Variants in SCARF2 observed in about 807,000 individuals in gnomAD.
SCARF2 encodes scavenger receptor expressed by endothelial cells 2 protein.
SCARF2 carries 39 observed loss-of-function variants against 73.4 expected under a neutral mutation model. That is an observed-to-expected ratio of 0.53 (90% confidence interval 0.41 to 0.69). The LOEUF (loss-of-function observed/expected upper bound fraction) is 0.69, where lower values mean the gene tolerates loss of function less well. Ranked by LOEUF, SCARF2 falls within the 30% of genes least tolerant of loss-of-function variation. The probability of loss-of-function intolerance (pLI) is 0.00; values close to 1 mark genes in which losing one functional copy is unlikely to be tolerated. For synonymous variants in SCARF2, 605 were observed against 590.0 expected (o/e 1.03, Z -0.37); for missense variants, 1,148 against 1,303.5 (o/e 0.88, Z 1.84).
intron 9 of SCARF2, among the ~76,000 whole-genome samples, chr22:20,428,476 G>A (rs927749086): frequency 1.3e-5 from 2 of 152,058 alleles, no homozygotes; most frequent in Non-Finnish European, 2.9e-5. Context: ...GGCTACTTTC[G>A]TATTTTTAGT....
rs761747574 is a variant in SCARF2 at position 20,431,402 on chromosome 22, T to C, written c.470A>G (p.Gln157Arg). 4.6e-6 allele frequency: 7 copies of C among 1,535,600 alleles called. No individual in the cohort carries two copies. Among genetic ancestry groups the C allele is most frequent in the Non-Finnish European group, 6.1e-6 (7 of 1,147,052 alleles). The change falls in exon 4 of 11, where the codon CAG becomes CGG. Residue 157 changes from glutamine (Q) to arginine (R), a missense_variant. By Grantham distance (43) the Gln-to-Arg change is conservative (BLOSUM62 1). This residue lies in a region of SCARF2 where 372 missense variants were observed against 532.0 expected (regional missense o/e 0.70). Coordinates refer to ENST00000622235, the MANE Select transcript of SCARF2 (RefSeq NM_182895.5). ...RWGARCEHACQCQHGTCHPRS... is the reference protein window; with the variant it reads ...RWGARCEHACRCQHGTCHPRS... ...CGGGTGGCACGTGCCGTGCTGGCAC[T>C]GGCACGCATGCTCGCAGCGCGCGCC...
At chr22:20,430,389 G>A (rs1253471842) in intron 6 of SCARF2, 40 bp downstream of exon 6, 6 of 1,571,700 alleles carry the variant, frequency 3.8e-6, no homozygotes, top group Admixed American at 1.8e-5. Context: ...TCTGTGGCAG[G>A]TACAAGCCCC....
In SCARF2 at chr22:20,429,012, G is replaced by A. The variant is rs1043395431; in HGVS notation, c.1540+213C>T. Among the ~76,000 whole-genome samples, 3 of 152,022 alleles carry A rather than the reference G, an allele frequency of 2.0e-5. No individual in the cohort carries two copies. Among genetic ancestry groups the A allele is most frequent in the Non-Finnish European group, 4.4e-5 (3 of 67,990 alleles). The stretch of plus-strand genomic sequence containing the variant: ...CTGACATATGCCCACATCAGCCGGC[G>A]CACCTAGGACTCCTGCCTTCCTACC... On this transcript the variant is annotated intron_variant, in intron 9 of 10. Coordinates refer to ENST00000622235, the MANE Select transcript of SCARF2 (RefSeq NM_182895.5). This position sits in a 1 kb window ranked among gnomAD's most constrained non-coding sequence, Gnocchi z 5.2.
chr22:20,432,369 G>A (rs2052659203), intron 1 of SCARF2, among the ~76,000 whole-genome samples: 1 of 152,212 alleles, frequency 6.6e-6, no homozygotes, highest in Non-Finnish European at 1.5e-5. Flanking sequence ...CCCTCCAAGT[G>A]GAGGGCCCAG....
intron 1 of SCARF2, among the ~76,000 whole-genome samples, chr22:20,432,643 C>T (rs374319893): frequency 6.6e-6 from 1 of 152,180 alleles, no homozygotes; most frequent in African/African-American, 2.4e-5. Flanking sequence ...CCTCCACGTG[C>T]AGGAGGAAAG....
In SCARF2 at chr22:20,430,785, G is replaced by C. The variant is rs376815645; in HGVS notation, c.978C>G (p.Gly326=). 1.5e-4 allele frequency: 237 copies of C among 1,605,618 alleles called. No homozygotes were observed. Among genetic ancestry groups the C allele is most frequent in the Admixed American group, 3.4e-4 (20 of 59,290 alleles). ...GGCATGGCGGACAGCGGTGGCTGCA[G>C]CCCTCGCCATAGAAACCGGTGGCGC... The part of the protein sequence containing the change: ...QPCATGFYGE[G]CSHRCPPCRD... The change falls in exon 5 of 11, where the codon GGC becomes GGG. Residue 326 remains glycine (G), a synonymous_variant. Transcript: ENST00000622235.
At position 20,437,728 on chromosome 22, in the gene SCARF2, G is replaced by C; in HGVS notation, c.27C>G (p.Ala9=). 1 of 1,249,602 alleles carries C rather than the reference G, an allele frequency of 8.0e-7. No individual in the cohort carries two copies. The highest frequency in any genetic ancestry group is 1.0e-6 in the Non-Finnish European group (1 of 1,002,128). The allele number at this position is 1,249,602 out of a possible 1,614,324, so 77.4% of individuals were successfully genotyped here. The change falls in exon 1 of 11, where the codon GCC becomes GCG. Residue 9 remains alanine (A), a synonymous_variant. Coordinates refer to ENST00000622235, the MANE Select transcript of SCARF2 (RefSeq NM_182895.5). ...CGGCTCCCCGGCGCCGCGCCGGCCC[G>C]GCCCCCCGGGGCCCTGCGCCCTCCA... is the stretch of plus-strand genomic sequence containing the variant. MEGAGPRG[A]GPARRRGAGG...
At position 20,430,869 on chromosome 22, in the gene SCARF2, G is replaced by A; in HGVS notation, c.894C>T (p.Ala298=). Residue 298 remains alanine, a synonymous_variant, in exon 5 of 11, where the codon GCC becomes GCT. Transcript: ENST00000622235. The part of the protein sequence containing the change: ...QCKGQQPCTV[A]EGRCLTCEPG... Reference sequence around the variant, plus strand: ...GCTCGCACGTCAAGCAGCGGCCCTCGGCCACCGTGCACGGCTGCTGGCCCT... The same window carrying A: ...GCTCGCACGTCAAGCAGCGGCCCTCAGCCACCGTGCACGGCTGCTGGCCCT... The A allele has an allele frequency of 8.1e-6, 13 of 1,604,896 alleles. No homozygotes were observed. Among genetic ancestry groups the A allele is most frequent in the Non-Finnish European group, 1.0e-5 (12 of 1,177,998 alleles).
intron 1 of SCARF2, among the ~76,000 whole-genome samples, chr22:20,434,920 CCT>C (rs2052683952): frequency 6.6e-6 from 1 of 152,192 alleles, no homozygotes; most frequent in Non-Finnish European, 1.5e-5. Flanking sequence ...CGCCTGGACA[CCT>C]CTCCTCTGGT....
intron 1 of SCARF2, among the ~76,000 whole-genome samples, chr22:20,436,565 C>CA (rs1330440280): frequency 6.6e-6 from 1 of 152,066 alleles, no homozygotes; most frequent in Admixed American, 6.5e-5. Context: ...TGCCCCCTCG[C>CA]AGCCCCTTGT....
At chr22:20,433,013 G>A (rs2052664687) in intron 1 of SCARF2, among the ~76,000 whole-genome samples, 1 of 152,194 alleles carries the variant, frequency 6.6e-6, no homozygotes, top group East Asian at 1.9e-4. Context: ...CAGCGTGCCC[G>A]GCCTGTTTAT....
Position 20,431,874 on chromosome 22 carries a change from G to A in SCARF2, c.233-28C>T, listed in dbSNP as rs1208135706. 4 of 1,595,808 alleles carry A rather than the reference G, an allele frequency of 2.5e-6. No individual in the cohort carries two copies. The Admixed American group carries it at 6.9e-5, about 28-fold the overall frequency. On this transcript the variant is annotated intron_variant, in intron 2 of 10. Coordinates refer to ENST00000622235, the MANE Select transcript of SCARF2 (RefSeq NM_182895.5). ...GTGGACGAGACAGGCCAGAGCTGCT[G>A]CGCGTCCTAGCCCCGCCCCCTCCCC...
intron 3 of SCARF2, 38 bp downstream of exon 3, chr22:20,431,707 C>T (rs752234508): frequency 2.9e-5 from 45 of 1,536,860 alleles, no homozygotes; most frequent in Non-Finnish European, 3.8e-5. Flanking sequence ...TCCAGGATTC[C>T]GCCCCACCGA....
chr22:20,429,007 C>G lies in SCARF2; in HGVS notation c.1540+218G>C, dbSNP rs1039155955. Reference sequence around the variant, plus strand: ...CGTTTCTGACATATGCCCACATCAGCCGGCGCACCTAGGACTCCTGCCTTC... The same window carrying G: ...CGTTTCTGACATATGCCCACATCAGGCGGCGCACCTAGGACTCCTGCCTTC... On this transcript the variant is annotated intron_variant, in intron 9 of 10. Transcript: ENST00000622235. The surrounding 1 kb of genome is among the most constrained non-coding windows in gnomAD (Gnocchi z 5.2). Among the ~76,000 whole-genome samples, 1 of 152,138 alleles carries G rather than the reference C, an allele frequency of 6.6e-6. No homozygotes were observed. The highest frequency in any genetic ancestry group is 1.5e-5 in the Non-Finnish European group (1 of 68,030).
intron 9 of SCARF2, among the ~76,000 whole-genome samples, chr22:20,428,051 G>T (rs938940669): frequency 3.3e-5 from 5 of 152,122 alleles, no homozygotes; most frequent in African/African-American, 1.2e-4. Flanking sequence ...CACAACAGGG[G>T]GCCCCAGAAG....
chr22:20,429,565 G>A lies in SCARF2; in HGVS notation c.1395C>T (p.Cys465=), dbSNP rs1334776094. The change falls in exon 8 of 11, where the codon TGC becomes TGT. Residue 465 remains cysteine (C), a synonymous_variant. Transcript: ENST00000622235. This position sits in a 1 kb window ranked among gnomAD's most constrained non-coding sequence, Gnocchi z 5.2. ...CLLLSLLGCC[C]ACRGKDPTRR... ...GCGTAGGGTCCTTGCCGCGGCAAGC[G>A]CAGCAGCAGCCGAGCAGCGAGAGCA... 3 of 1,613,142 alleles carry A rather than the reference G, an allele frequency of 1.9e-6. No individual in the cohort carries two copies. Among genetic ancestry groups the A allele is most frequent in the Non-Finnish European group, 2.5e-6 (3 of 1,179,830 alleles).
chr22:20,437,432 G>T, intron 1 of SCARF2, 150 bp downstream of exon 1: 2 of 818,816 alleles, frequency 2.4e-6, no homozygotes, highest in South Asian at 1.9e-5. Context: ...CCGAGGCTGG[G>T]CCTGGAACGG....
Position 20,430,690 on chromosome 22 carries a change from C to A in SCARF2, c.1073G>T (p.Arg358Leu), listed in dbSNP as rs764348687. The change falls in exon 5 of 11, where the codon CGG becomes CTG. Residue 358 changes from arginine to leucine, a missense_variant and splice_region_variant. Physicochemically the swap from Arg to Leu is moderately radical, Grantham distance 102. Around this residue, in one of 5 missense-constraint regions of SCARF2, gnomAD observed 372 missense variants for 532.0 expected, o/e 0.70. Transcript: ENST00000622235. ...GGCCGACGCAGGCAGGGCTGCTCAC[C>A]GGTCGCCGATCCAGCCCGCGTTGCA... The part of the protein sequence containing the change: ...TRCNAGWIGD[R>L]CETKCSNGTY... The A allele has an allele frequency of 1.9e-6, 3 of 1,597,394 alleles. No individual in the cohort carries two copies. The highest frequency in any genetic ancestry group is 1.7e-6 in the Non-Finnish European group (2 of 1,172,778).
At chr22:20,427,299 C>T (rs1188910603) in intron 10 of SCARF2, 99 bp downstream of exon 10, 1 of 1,458,456 alleles carries the variant, frequency 6.9e-7, no homozygotes, top group Non-Finnish European at 9.5e-7. Flanking sequence ...CCTTCCTCTC[C>T]ATGCTGCCTG....
Sources: allele counts gnomAD v4.1 joint callset (sites outside exome capture counted in the v4.1 genomes callset), GRCh38; gene constraint gnomAD v4.1.1; regional missense constraint gnomAD v4.1.1; non-coding constraint Gnocchi (gnomAD v3.1); transcripts MANE v1.5; gene names NCBI Gene and HGNC (gene_info 2026-07-23, HGNC 2026-07-21).